The following PAK5 variants were observed in gnomAD, a reference collection of about 807,000 sequenced individuals.
PAK5 encodes the protein p21 (RAC1) activated kinase 5.
A neutral mutation model predicts 65.9 loss-of-function variants in PAK5; 16 were observed. That is an observed-to-expected ratio of 0.24 (90% confidence interval 0.16 to 0.37). The LOEUF (loss-of-function observed/expected upper bound fraction) is 0.37, where lower values mean the gene tolerates loss of function less well. Among genes scored for constraint, PAK5 ranks in the 10% least tolerant of loss-of-function variants. PAK5 has a pLI of 1.00. For missense variants in PAK5, 785 were observed against 903.9 expected, an observed-to-expected ratio of 0.87 and a Z score of 1.69; for synonymous variants, 371 against 354.9, an observed-to-expected ratio of 1.05 and a Z score of -0.51.
chr20:9,805,412 T>C (rs1204010705), intron 1 of PAK5, among the ~76,000 whole-genome samples: 1 of 152,074 alleles, frequency 6.6e-6, no homozygotes, highest in Non-Finnish European at 1.5e-5. Context: ...ACACAAAAAC[T>C]TATACAAAGC....
At chr20:9,615,151 A>T (rs2046632020) in intron 3 of PAK5, among the ~76,000 whole-genome samples, 1 of 152,188 alleles carries the variant, frequency 6.6e-6, no homozygotes, top group Admixed American at 6.5e-5. Context: ...CAATAAAAGG[A>T]TTAGTGGTTG....
At chr20:9,596,374 C>T (rs1016203073) in intron 3 of PAK5, among the ~76,000 whole-genome samples, 5 of 152,246 alleles carry the variant, frequency 3.3e-5, no homozygotes, top group Non-Finnish European at 5.9e-5. Context: ...CGGAGGCTCA[C>T]GCCTGTAATC....
At position 9,732,978 on chromosome 20, in the gene PAK5, A is replaced by G. The variant is rs186932032; in HGVS notation, c.-161-21543T>C. On this transcript the variant is annotated intron_variant, in intron 1 of 9. Coordinates refer to ENST00000353224, the MANE Select transcript of PAK5 (RefSeq NM_177990.4). ...TCTCTCTCTTACCAATACTGTTGGA[A>G]CTAGCTGATAAACATAACACTTTGT... Among the ~76,000 whole-genome samples, 25 of 152,336 alleles carry G rather than the reference A, an allele frequency of 1.6e-4. No individual in the cohort carries two copies. The East Asian group carries it at 4.4e-3, about 27-fold the overall frequency.
Position 9,679,371 on chromosome 20 carries a change from T to C in PAK5, c.-12+31915A>G, listed in dbSNP as rs577450929. Among the ~76,000 whole-genome samples, 167 of 152,324 alleles carry C rather than the reference T, an allele frequency of 1.1e-3. 1 individual carries two copies. Among genetic ancestry groups the C allele is most frequent in the African/African-American group, 3.5e-3 (146 of 41,566 alleles). ...TTGACTGTGTAAAGGTCAGTACCCC[T>C]AAGCCTCACATTGTTCAAGGGTCCA... On this transcript the variant is annotated intron_variant, in intron 2 of 9. Transcript: ENST00000353224.
At chr20:9,782,938 T>C (rs2048956909) in intron 1 of PAK5, among the ~76,000 whole-genome samples, 1 of 146,724 alleles carries the variant, frequency 6.8e-6, no homozygotes, top group Non-Finnish European at 1.5e-5. Context: ...TTTTTTTTTC[T>C]TTTTTTTTAA....
chr20:9,640,464 T>A (rs917942863), intron 3 of PAK5, among the ~76,000 whole-genome samples: 2 of 152,154 alleles, frequency 1.3e-5, no homozygotes, highest in Non-Finnish European at 2.9e-5. Context: ...TCTATCATTG[T>A]TGGACATTTG....
intron 1 of PAK5, among the ~76,000 whole-genome samples, chr20:9,748,258 T>C (rs2048531863): frequency 6.6e-6 from 1 of 152,186 alleles, no homozygotes; most frequent in Admixed American, 6.5e-5. Context: ...ATGGCCATAC[T>C]GCCCAAGGTA....
chr20:9,719,125 A>G (rs554198422), intron 1 of PAK5, among the ~76,000 whole-genome samples: 1 of 152,322 alleles, frequency 6.6e-6, no homozygotes, highest in East Asian at 1.9e-4. Context: ...AAAGCAACAT[A>G]ATAGAAACTC....
intron 2 of PAK5, among the ~76,000 whole-genome samples, chr20:9,648,055 G>T (rs961614653): frequency 6.6e-6 from 1 of 152,158 alleles, no homozygotes; most frequent in Non-Finnish European, 1.5e-5. Context: ...GGCACTAAAA[G>T]TTCAATGCGT....
At chr20:9,568,281 G>A (rs944028917) in intron 4 of PAK5, among the ~76,000 whole-genome samples, 3 of 152,152 alleles carry the variant, frequency 2.0e-5, no homozygotes, top group Non-Finnish European at 4.4e-5. Context: ...GCTGAGATTA[G>A]GGTGGTTATT....
In PAK5 at chr20:9,838,742, C is replaced by T. The variant is rs1342358375; in HGVS notation, c.-162+20G>A. On this transcript the variant is annotated intron_variant, in intron 1 of 9. Coordinates refer to ENST00000353224, the MANE Select transcript of PAK5 (RefSeq NM_177990.4). The surrounding 1 kb of genome is among the most constrained non-coding windows in gnomAD (Gnocchi z 4.5). ...TCGCCGATACCCACCCAGGCAGTCCCGACAGGCGCGCCTGCCTACCTGGTG... is the reference window on the plus strand; with the variant it reads ...TCGCCGATACCCACCCAGGCAGTCCTGACAGGCGCGCCTGCCTACCTGGTG... 2 of 152,260 alleles carry T rather than the reference C, an allele frequency of 1.3e-5. No homozygotes were observed. Among genetic ancestry groups the T allele is most frequent in the Non-Finnish European group, 2.9e-5 (2 of 68,090 alleles). 9.4% of individuals were successfully genotyped at this position (152,260 alleles called of 1,614,324 possible). A position where few individuals can be genotyped will look rare whatever the true frequency, so the allele number is the denominator to read the frequency against.
At chr20:9,734,767 G>A (rs1427358949) in intron 1 of PAK5, among the ~76,000 whole-genome samples, 2 of 152,114 alleles carry the variant, frequency 1.3e-5, no homozygotes, top group Non-Finnish European at 2.9e-5. Flanking sequence ...AAGTCGTCTA[G>A]CAAATATTTC....
At chr20:9,790,122 A>C (rs1010780368) in intron 1 of PAK5, among the ~76,000 whole-genome samples, 41 of 152,176 alleles carry the variant, frequency 2.7e-4, no homozygotes, top group Admixed American at 3.9e-4. Context: ...ATGCAGAGGC[A>C]AAGGAAGCTG....
intron 2 of PAK5, among the ~76,000 whole-genome samples, chr20:9,645,446 T>C (rs1465791064): frequency 6.6e-6 from 1 of 152,252 alleles, no homozygotes; most frequent in Non-Finnish European, 1.5e-5. Context: ...CATCTGTGAA[T>C]AGAACAATCA....
chr20:9,615,678 A>C (rs1486620358), intron 3 of PAK5, among the ~76,000 whole-genome samples: 3 of 151,954 alleles, frequency 2.0e-5, no homozygotes, highest in African/African-American at 7.3e-5. Flanking sequence ...CCCCCAAACA[A>C]CTCTTTGATT....
At chr20:9,690,217 C>G (rs1384399784) in intron 2 of PAK5, among the ~76,000 whole-genome samples, 1 of 152,168 alleles carries the variant, frequency 6.6e-6, no homozygotes, top group Non-Finnish European at 1.5e-5. Context: ...GTGCAGAGGG[C>G]AGGCTGACAG....
chr20:9,654,963 G>T (rs531181295), intron 2 of PAK5, among the ~76,000 whole-genome samples: 3 of 152,088 alleles, frequency 2.0e-5, no homozygotes, highest in East Asian at 3.9e-4. Context: ...TTGTCTATTG[G>T]GCTACAGAAA....
intron 2 of PAK5, among the ~76,000 whole-genome samples, chr20:9,710,053 C>A (rs1208758925): frequency 1.3e-5 from 2 of 152,092 alleles, no homozygotes; most frequent in Admixed American, 1.3e-4. Context: ...TTCAACATTC[C>A]ATCTATGAAT....
chr20:9,607,439 A>G (rs2046475492), intron 3 of PAK5, among the ~76,000 whole-genome samples: 2 of 152,246 alleles, frequency 1.3e-5, no homozygotes, highest in African/African-American at 4.8e-5. Context: ...TTGGATCTTC[A>G]TTATTAGGGC....
Sources: gnomAD v4.1 joint callset for allele counts (sites outside exome capture counted in the v4.1 genomes callset) on GRCh38, gnomAD v4.1.1 for gene constraint, Gnocchi (gnomAD v3.1) non-coding constraint, MANE v1.5 for transcripts, NCBI Gene and HGNC (gene_info 2026-07-23, HGNC 2026-07-21) for gene names.